The following RARB variants were observed in gnomAD, a reference collection of about 807,000 sequenced individuals.
The protein encoded by RARB is HBV-activated protein.
A neutral mutation model predicts 51.9 loss-of-function variants in RARB; 17 were observed. That is an observed-to-expected ratio of 0.33 (90% CI 0.22 to 0.49). The LOEUF (loss-of-function observed/expected upper bound fraction) is 0.49. Ranked by LOEUF, RARB falls within the 20% of genes least tolerant of loss-of-function variation. The pLI is 0.99. For synonymous variants in RARB, 215 were observed against 195.4 expected, an observed-to-expected ratio of 1.10 and a Z score of -0.84; for missense variants, 369 against 550.8, an observed-to-expected ratio of 0.67 and a Z score of 3.30.
chr3:25,406,827 T>A (rs139924192), intron 5 of RARB, among the ~76,000 whole-genome samples: 1 of 152,256 alleles, frequency 6.6e-6, no homozygotes, highest in African/African-American at 2.4e-5. Flanking sequence ...GAGCTTGTGC[T>A]CACGTATTTT....
chr3:25,207,642 C>G (rs938885878), intron 5 of RARB, among the ~76,000 whole-genome samples: 1 of 152,118 alleles, frequency 6.6e-6, no homozygotes, highest in Non-Finnish European at 1.5e-5. Flanking sequence ...TATTTAATTT[C>G]TCTCTCCCTG....
intron 2 of RARB, among the ~76,000 whole-genome samples, chr3:24,900,776 C>A (rs969807350): frequency 2.0e-5 from 3 of 152,082 alleles, no homozygotes; most frequent in Admixed American, 2.0e-4. Context: ...AGCACAGCAG[C>A]ACATTCGGTT....
intron 2 of RARB, among the ~76,000 whole-genome samples, chr3:25,041,427 C>G (rs1214441413): frequency 1.3e-5 from 2 of 151,620 alleles, no homozygotes; most frequent in Admixed American, 6.6e-5. Context: ...ATCTGACTTT[C>G]AAATAAATAT....
rs554532994 is a variant in RARB, at chr3:24,950,239, G to A, written c.-380+91487G>A. Among the ~76,000 whole-genome samples the A allele has an allele frequency of 9.2e-5, 14 of 152,144 alleles. No homozygotes were observed. The East Asian group carries it at 2.1e-3, about 23-fold the overall frequency. ...AAATTTTCTCTCCTACATATGTCTC[G>A]AAACAGTTTCATTTCTTCATTTAAA... is the stretch of plus-strand genomic sequence containing the variant. On this transcript the variant is annotated intron_variant, in intron 2 of 11. Transcript: ENST00000383772.
At position 25,008,599 on chromosome 3, in the gene RARB, T is replaced by G. The variant is rs559035225; in HGVS notation, c.-379-51526T>G. Among the ~76,000 whole-genome samples, 23 of 152,260 alleles carry G rather than the reference T, an allele frequency of 1.5e-4. No individual in the cohort carries two copies. In the East Asian group the frequency reaches 3.3e-3, roughly 22 times the overall value. On this transcript the variant is annotated intron_variant, in intron 2 of 11. Coordinates refer to the RARB transcript ENST00000383772. Reference sequence around the variant, plus strand: ...CAGTAAGATTTTCTCCTTGACTGCTTAAGTCTTGGCTGCCTTGGTACTTCT... The same window carrying G: ...CAGTAAGATTTTCTCCTTGACTGCTGAAGTCTTGGCTGCCTTGGTACTTCT...
At chr3:25,309,506 TTTTTTTTTTGA>T in intron 5 of RARB, among the ~76,000 whole-genome samples, 1 of 122,842 alleles carries the variant, frequency 8.1e-6, no homozygotes, top group African/African-American at 3.6e-5. Context: ...TTTTTTTTTT[TTTTTTTTTTGA>T]GATAGAGTCT....
chr3:25,595,346 G>T (rs1701776706), intron 7 of RARB, among the ~76,000 whole-genome samples: 1 of 152,298 alleles, frequency 6.6e-6, no homozygotes, highest in South Asian at 2.1e-4. Flanking sequence ...CTCTGAAGAT[G>T]TTTGCTAGCC....
chr3:25,272,426 A>G (rs1703276392), intron 5 of RARB, among the ~76,000 whole-genome samples: 1 of 152,150 alleles, frequency 6.6e-6, no homozygotes, highest in African/African-American at 2.4e-5. Context: ...CTCCTCTATA[A>G]CAGAGGCCTC....
chr3:25,410,423 C>T (rs547973205), intron 5 of RARB, among the ~76,000 whole-genome samples: 2 of 152,300 alleles, frequency 1.3e-5, no homozygotes, highest in East Asian at 1.9e-4. Flanking sequence ...TCTTTTTATC[C>T]TAGAATCACA....
At chr3:25,417,371 T>A (rs1707732128) in intron 5 of RARB, among the ~76,000 whole-genome samples, 1 of 152,132 alleles carries the variant, frequency 6.6e-6, no homozygotes, top group South Asian at 2.1e-4. Flanking sequence ...ATGGTTTGGC[T>A]GTGTCCCTAC....
intron 5 of RARB, among the ~76,000 whole-genome samples, chr3:25,235,373 G>C (rs1324383368): frequency 6.6e-6 from 1 of 152,142 alleles, no homozygotes; most frequent in Non-Finnish European, 1.5e-5. Flanking sequence ...GCTTCTGGAA[G>C]TTGGGATTAG....
At chr3:24,868,554 G>A (rs908254569) in intron 2 of RARB, among the ~76,000 whole-genome samples, 1 of 152,086 alleles carries the variant, frequency 6.6e-6, no homozygotes, top group Non-Finnish European at 1.5e-5. Flanking sequence ...AAGTTAAACT[G>A]AAAAATATAG....
At chr3:25,146,429 T>A (rs1408427003) in intron 4 of RARB, among the ~76,000 whole-genome samples, 1 of 150,536 alleles carries the variant, frequency 6.6e-6, no homozygotes, top group Admixed American at 6.7e-5. Context: ...TATATCCCAA[T>A]AAAAATTAAT....
intron 2 of RARB, among the ~76,000 whole-genome samples, chr3:25,475,311 A>T (rs1695893865): frequency 1.3e-5 from 2 of 151,628 alleles, no homozygotes; most frequent in Non-Finnish European, 2.9e-5. Flanking sequence ...AAATATGAGC[A>T]TTGGATGAGG....
intron 3 of RARB, among the ~76,000 whole-genome samples, chr3:25,066,983 G>A (rs1456432470): frequency 6.6e-6 from 1 of 152,140 alleles, no homozygotes; most frequent in Non-Finnish European, 1.5e-5. Flanking sequence ...GTTCCAGTCA[G>A]CAGTTAAGTA....
At chr3:24,887,193 T>C (rs530741059) in intron 2 of RARB, among the ~76,000 whole-genome samples, 2 of 152,338 alleles carry the variant, frequency 1.3e-5, no homozygotes, top group African/African-American at 2.4e-5. Context: ...TTAACTAGTA[T>C]GCAGGAGGAA....
rs548626988 is a variant in RARB, at chr3:25,444,276, A to C, written c.157+15388A>C. Among the ~76,000 whole-genome samples the C allele has an allele frequency of 2.6e-5, 4 of 152,276 alleles. No individual in the cohort carries two copies. The East Asian group carries it at 7.7e-4, about 29-fold the overall frequency. ...AAAGTTCCCAACTCAGCTTTGTATA[A>C]TGTAGGGTTCCTTTTCTTTGCCAAC... On this transcript the variant is annotated intron_variant, in intron 1 of 7. Transcript: ENST00000330688.
At chr3:25,203,039 A>C (rs1380832946) in intron 5 of RARB, among the ~76,000 whole-genome samples, 1 of 151,776 alleles carries the variant, frequency 6.6e-6, no homozygotes, top group East Asian at 1.9e-4. Context: ...GTGGGGTGTT[A>C]GTTTCCATTA....
intron 5 of RARB, among the ~76,000 whole-genome samples, chr3:25,212,212 G>A (rs543940795): frequency 6.6e-5 from 10 of 152,146 alleles, no homozygotes; most frequent in African/African-American, 2.2e-4. Context: ...AAAGGAAAAT[G>A]AAAATGTACC....
Sources: gnomAD v4.1 joint callset for allele counts (sites outside exome capture counted in the v4.1 genomes callset) on GRCh38, gnomAD v4.1.1 for gene constraint, MANE v1.5 for transcripts, NCBI Gene and HGNC (gene_info 2026-07-23, HGNC 2026-07-21) for gene names.